RYR3: variants seen among roughly 807,000 people sequenced by gnomAD.
The protein encoded by RYR3 is ryanodine receptor 3, also known as brain ryanodine receptor-calcium release channel.
A neutral mutation model predicts 584.3 loss-of-function variants in RYR3; 207 were observed. That is an observed-to-expected ratio of 0.35 (90% confidence interval 0.32 to 0.40). The LOEUF (loss-of-function observed/expected upper bound fraction) is 0.40, where lower values mean the gene tolerates loss of function less well. Ranked by LOEUF, RYR3 falls within the 10% of genes least tolerant of loss-of-function variation. RYR3 has a pLI of 1.00. For synonymous variants in RYR3, 2,416 were observed against 2,248.5 expected (o/e 1.07, Z -2.11); for missense variants, 5,616 against 6,089.2 (o/e 0.92, Z 2.59).
At chr15:33,747,376 CTTTTTTTT>C (rs34350928) in intron 53 of RYR3, among the ~76,000 whole-genome samples, 1 of 95,080 alleles carries the variant, frequency 1.1e-5, no homozygotes, top group Non-Finnish European at 2.0e-5. Context: ...AAAGAGAAAT[CTTTTTTTT>C]TTTTTTTTTG....
At chr15:33,780,413 G>A (rs2074315494) in intron 65 of RYR3, 72 bp downstream of exon 65, 1 of 1,515,258 alleles carries the variant, frequency 6.6e-7, no homozygotes, top group Non-Finnish European at 9.1e-7. Context: ...CAGGCAGGGA[G>A]CAGCAGCCCT....
chr15:33,382,355 G>T (rs144552269), intron 1 of RYR3, among the ~76,000 whole-genome samples: 1,261 of 119,434 alleles, frequency 0.011, 21 homozygotes, highest in African/African-American at 0.04. Context: ...ACGGAGTCTC[G>T]CTTTGTCGCC....
At chr15:33,499,839 G>T (rs149415379) in intron 2 of RYR3, among the ~76,000 whole-genome samples, 85 of 152,314 alleles carry the variant, frequency 5.6e-4, no homozygotes, top group African/African-American at 1.9e-3. Context: ...CCCCTATGGT[G>T]CCTTCAGAGC....
Position 33,838,558 on chromosome 15 carries a change from T to G in RYR3, c.12578T>G (p.Val4193Gly). 6.2e-7 allele frequency: 1 copy of G among 1,613,928 alleles called. No homozygotes were observed. Among genetic ancestry groups the G allele is most frequent in the Non-Finnish European group, 8.5e-7 (1 of 1,179,868 alleles). The change falls in exon 89 of 104, where the codon GTG becomes GGG. Residue 4193 changes from valine to glycine, a missense_variant. Physicochemically the swap from Val to Gly is moderately radical, Grantham distance 109 (BLOSUM62 -3). This residue lies in a region of RYR3 where 918 missense variants were observed against 887.4 expected (regional missense o/e 1.03). Transcript: ENST00000634891. ...TTCTCCTTTTTCTGGATGCTGTTCG[T>G]GGGGCTATTCCAGTTGCTCTTCACC... ...VLFSFFWMLFVGLFQLLFTIL... is the reference protein window; with the variant it reads ...VLFSFFWMLFGGLFQLLFTIL...
At chr15:33,646,798 T>C (rs955943678) in intron 29 of RYR3, among the ~76,000 whole-genome samples, 3 of 152,330 alleles carry the variant, frequency 2.0e-5, no homozygotes, top group Non-Finnish European at 4.4e-5. Flanking sequence ...AGCCCCTACC[T>C]TCCTTGCTGC....
chr15:33,689,646 C>G (rs948955718), intron 38 of RYR3, among the ~76,000 whole-genome samples: 3 of 151,956 alleles, frequency 2.0e-5, no homozygotes, highest in African/African-American at 7.3e-5. Context: ...GAGGCTTATT[C>G]TAGAAATATA....
intron 52 of RYR3, 47 bp downstream of exon 52, chr15:33,742,491 C>A: frequency 7.8e-7 from 1 of 1,282,060 alleles, no homozygotes; most frequent in Non-Finnish European, 1.1e-6. Context: ...GAAAAACAGC[C>A]CAAGAACATT....
At chr15:33,325,451 T>C (rs1290130465) in intron 1 of RYR3, among the ~76,000 whole-genome samples, 4 of 152,250 alleles carry the variant, frequency 2.6e-5, no homozygotes, top group Non-Finnish European at 5.9e-5. Context: ...AAATGTACTT[T>C]ACTACTTTCA....
At chr15:33,725,993 A>AAAAAAAAAAAC (rs1555427717) in intron 45 of RYR3, among the ~76,000 whole-genome samples, 1 of 79,034 alleles carries the variant, frequency 1.3e-5, no homozygotes, top group Non-Finnish European at 2.7e-5. Context: ...AAAAAAAAAA[A>AAAAAAAAAAAC]AAAACAGAAT....
chr15:33,734,935 C>T (rs2069307273), intron 48 of RYR3, among the ~76,000 whole-genome samples: 2 of 152,030 alleles, frequency 1.3e-5, no homozygotes, highest in Non-Finnish European at 2.9e-5. Flanking sequence ...AGGTGATCAC[C>T]CCACCTTGAT....
chr15:33,589,946 A>G (rs1446810059), intron 16 of RYR3, among the ~76,000 whole-genome samples: 2 of 152,208 alleles, frequency 1.3e-5, no homozygotes, highest in Non-Finnish European at 2.9e-5. Context: ...TGTGTGAGCA[A>G]CAAAGCTGTT....
intron 62 of RYR3, among the ~76,000 whole-genome samples, chr15:33,770,400 G>T (rs1389128166): frequency 6.6e-6 from 1 of 152,166 alleles, no homozygotes; most frequent in Non-Finnish European, 1.5e-5. Context: ...TGTTTTAAAT[G>T]AAGGTCAGTT....
intron 1 of RYR3, among the ~76,000 whole-genome samples, chr15:33,443,398 T>C (rs2046383326): frequency 6.6e-6 from 1 of 152,124 alleles, no homozygotes. Context: ...CCAGCAACAT[T>C]AAGAACACGA....
intron 1 of RYR3, among the ~76,000 whole-genome samples, chr15:33,337,816 A>G (rs1049617918): frequency 6.6e-6 from 1 of 152,126 alleles, no homozygotes; most frequent in Non-Finnish European, 1.5e-5. Context: ...GTATGTTCAT[A>G]GTACTGAACA....
chr15:33,555,818 A>AG (rs1299951989), intron 10 of RYR3, among the ~76,000 whole-genome samples: 9 of 152,346 alleles, frequency 5.9e-5, no homozygotes, highest in Admixed American at 5.9e-4. Flanking sequence ...CCAATAAGGC[A>AG]GATGAATCTG....
chr15:33,453,568 ATATAG>A (rs2047308725), intron 1 of RYR3, among the ~76,000 whole-genome samples: 1 of 152,212 alleles, frequency 6.6e-6, no homozygotes, highest in Admixed American at 6.5e-5. Context: ...AACTGCTGTA[ATATAG>A]TGATGATTCT....
chr15:33,831,763 T>C (rs2077689892), intron 86 of RYR3, among the ~76,000 whole-genome samples: 1 of 152,234 alleles, frequency 6.6e-6, no homozygotes, highest in Non-Finnish European at 1.5e-5. Context: ...TTAGTAGGCG[T>C]ATCATTACCG....
intron 60 of RYR3, among the ~76,000 whole-genome samples, chr15:33,760,928 A>G (rs1483788610): frequency 6.6e-6 from 1 of 152,194 alleles, no homozygotes; most frequent in African/African-American, 2.4e-5. Context: ...TCAAACTAGA[A>G]CTCAGGATTA....
intron 10 of RYR3, among the ~76,000 whole-genome samples, chr15:33,552,619 T>G (rs2056768602): frequency 6.6e-6 from 1 of 152,198 alleles, no homozygotes; most frequent in Non-Finnish European, 1.5e-5. Flanking sequence ...GAACTGAAAT[T>G]AAAATGGCTT....
Sources: allele counts gnomAD v4.1 joint callset (sites outside exome capture counted in the v4.1 genomes callset), GRCh38; gene constraint gnomAD v4.1.1; regional missense constraint gnomAD v4.1.1; transcripts MANE v1.5; gene names NCBI Gene and HGNC (gene_info 2026-07-23, HGNC 2026-07-21).